The following ITSN1 variants were observed in gnomAD, a reference collection of about 807,000 sequenced individuals.
ITSN1 encodes intersectin 1.
Under a neutral mutation model 239.8 loss-of-function variants are expected in ITSN1, and 58 were observed. The observed-to-expected ratio is 0.24, with a 90% CI of 0.20 to 0.30. The LOEUF (loss-of-function observed/expected upper bound fraction) is 0.30, where lower values mean the gene tolerates loss of function less well. Among genes scored for constraint, ITSN1 ranks in the 10% least tolerant of loss-of-function variants. The probability of loss-of-function intolerance (pLI) is 1.00; values close to 1 mark genes in which losing one functional copy is unlikely to be tolerated. For missense variants in ITSN1, 1,558 were observed against 2,103.3 expected, an observed-to-expected ratio of 0.74 and a Z score of 5.07; for synonymous variants, 780 against 770.8, an observed-to-expected ratio of 1.01 and a Z score of -0.20.
At chr21:33,873,375 A>C (rs1983078105) in intron 33 of ITSN1, among the ~76,000 whole-genome samples, 1 of 152,168 alleles carries the variant, frequency 6.6e-6, no homozygotes, top group South Asian at 2.1e-4. Flanking sequence ...GTCTTTCTTC[A>C]TTCTCCAGCA....
rs2068358390 is a variant in ITSN1, at chr21:33,761,908, C to T, written c.725-15C>T. On this transcript the variant is annotated splice_polypyrimidine_tract_variant and intron_variant, in intron 8 of 39. Transcript: ENST00000381318. ...GCTGACTCATCTGTATGTCCTTTTC[C>T]TGGTTCCTGTTTAGGTCCCCAAGCA... The T allele has an allele frequency of 1.2e-6, 2 of 1,608,138 alleles. No individual in the cohort carries two copies. Among genetic ancestry groups the T allele is most frequent in the East Asian group, 4.5e-5 (2 of 44,834 alleles).
At chr21:33,866,502 T>C (rs1981614770) in intron 32 of ITSN1, among the ~76,000 whole-genome samples, 1 of 96,600 alleles carries the variant, frequency 1.0e-5, no homozygotes, top group Non-Finnish European at 2.7e-5. Flanking sequence ...GCCCCTCTCC[T>C]CTTCACCTCT....
At chr21:33,794,868 G>A (rs1331749491) in intron 17 of ITSN1, among the ~76,000 whole-genome samples, 1 of 152,170 alleles carries the variant, frequency 6.6e-6, no homozygotes, top group Non-Finnish European at 1.5e-5. Context: ...GTCAGGGTGG[G>A]CCTCTTCTGT....
At chr21:33,883,501 C>T (rs758736054) in intron 35 of ITSN1, 49 bp from the exon 36 acceptor site, 4 of 1,604,670 alleles carry the variant, frequency 2.5e-6, no homozygotes, top group Admixed American at 3.3e-5. Flanking sequence ...TTTACCGGAG[C>T]ACACAGACCC....
intron 28 of ITSN1, among the ~76,000 whole-genome samples, chr21:33,835,594 C>G (rs1332289481): frequency 6.6e-6 from 1 of 152,104 alleles, no homozygotes; most frequent in African/African-American, 2.4e-5. Context: ...TTCAGGACAA[C>G]ATTTTGAGAT....
At chr21:33,669,580 C>T (rs1363165277) in intron 1 of ITSN1, among the ~76,000 whole-genome samples, 2 of 151,986 alleles carry the variant, frequency 1.3e-5, no homozygotes, top group Admixed American at 1.3e-4. Context: ...GCTGGAATTA[C>T]AGGCATGCGC....
At chr21:33,820,160 T>C (rs2073576324) in intron 24 of ITSN1, among the ~76,000 whole-genome samples, 2 of 151,980 alleles carry the variant, frequency 1.3e-5, no homozygotes, top group African/African-American at 4.8e-5. Flanking sequence ...TCATTTTGAG[T>C]ATTTATTATG....
At chr21:33,728,881 C>A (rs1221682045) in intron 4 of ITSN1, among the ~76,000 whole-genome samples, 2 of 152,110 alleles carry the variant, frequency 1.3e-5, no homozygotes, top group Non-Finnish European at 2.9e-5. Flanking sequence ...CCCAGCCCCC[C>A]ACTCCCCCCT....
intron 1 of ITSN1, among the ~76,000 whole-genome samples, chr21:33,700,067 GT>G (rs374476036): frequency 2.1e-5 from 3 of 141,846 alleles, no homozygotes; most frequent in East Asian, 2.0e-4. Context: ...TGCTTGAATT[GT>G]TTTTTTTTTG....
At chr21:33,659,518 G>C (rs2089373564) in intron 1 of ITSN1, among the ~76,000 whole-genome samples, 2 of 152,064 alleles carry the variant, frequency 1.3e-5, no homozygotes, top group Non-Finnish European at 2.9e-5. Flanking sequence ...TGTCAGAATT[G>C]AAATGAATGG....
intron 4 of ITSN1, among the ~76,000 whole-genome samples, chr21:33,733,513 C>T (rs558191391): frequency 7.9e-5 from 12 of 151,844 alleles, no homozygotes; most frequent in African/African-American, 2.7e-4. Context: ...ATTTTTATGC[C>T]GTACATATAC....
At chr21:33,747,946 C>G (rs555952493) in intron 5 of ITSN1, among the ~76,000 whole-genome samples, 1 of 152,080 alleles carries the variant, frequency 6.6e-6, no homozygotes, top group Non-Finnish European at 1.5e-5. Context: ...CCACATAAAT[C>G]TATTTTTCTT....
chr21:33,891,169 T>A lies in ITSN1; in HGVS notation c.*2869T>A, dbSNP rs1280150649. The stretch of plus-strand genomic sequence containing the variant: ...CAGGTTTGCTGTGACCATGAGAGCC[T>A]GAAGATGTGGCTCATTCGGATCCAG... On this transcript the variant is annotated 3_prime_UTR_variant, in exon 40 of 40. Transcript: ENST00000381318. 6.6e-6 allele frequency: 1 copy of A among 152,254 alleles called. No homozygotes were observed. The highest frequency in any genetic ancestry group is 2.4e-5 in the African/African-American group (1 of 41,448). 9.4% of individuals were successfully genotyped at this position (152,254 alleles called of 1,614,324 possible). A position where few individuals can be genotyped will look rare whatever the true frequency, so the allele number is the denominator to read the frequency against.
intron 1 of ITSN1, among the ~76,000 whole-genome samples, chr21:33,648,050 C>A (rs1026614737): frequency 6.6e-6 from 1 of 152,194 alleles, no homozygotes; most frequent in Non-Finnish European, 1.5e-5. Flanking sequence ...TATACTCTTA[C>A]CATGGTATAT....
rs958190515 is a variant in ITSN1 at position 33,848,833 on chromosome 21, G to A, written c.3662-7903G>A. ...CCTCCCTCCATTTGAATCCCTCACC[G>A]CTGCCTGCCCCCTCACCACCGATAT... On this transcript the variant is annotated intron_variant, in intron 29 of 39. Transcript: ENST00000381318. 2.0e-5 allele frequency among the ~76,000 whole-genome samples: 3 copies of A among 152,028 alleles called. No homozygotes were observed. The East Asian group carries it at 5.8e-4, about 29-fold the overall frequency.
intron 29 of ITSN1, chr21:33,837,264 T>C (rs922563365): frequency 1.3e-4 from 156 of 1,213,982 alleles, no homozygotes; most frequent in Non-Finnish European, 1.5e-4. Context: ...GTGGCTTTCC[T>C]AGTTACTCAA....
chr21:33,698,937 AT>A (rs368730220), intron 1 of ITSN1, among the ~76,000 whole-genome samples: 54 of 152,248 alleles, frequency 3.5e-4, no homozygotes, highest in African/African-American at 1.3e-3. Context: ...ATGTTTTCCA[AT>A]TTTGAATTGT....
chr21:33,825,595 A>G (rs1230294703), intron 25 of ITSN1, among the ~76,000 whole-genome samples: 1 of 152,188 alleles, frequency 6.6e-6, no homozygotes, highest in Non-Finnish European at 1.5e-5. Context: ...GTGGTTTTTC[A>G]AAGGGAGCAC....
intron 4 of ITSN1, among the ~76,000 whole-genome samples, chr21:33,723,381 G>T (rs1006014080): frequency 3.9e-5 from 6 of 152,176 alleles, no homozygotes; most frequent in African/African-American, 1.4e-4. Context: ...TTGGGAGGCC[G>T]AGGCGGGCGG....
Sources: gnomAD v4.1 joint callset for allele counts (sites outside exome capture counted in the v4.1 genomes callset) on GRCh38, gnomAD v4.1.1 for gene constraint, MANE v1.5 for transcripts, NCBI Gene and HGNC (gene_info 2026-07-23, HGNC 2026-07-21) for gene names.